Variants in ASIC2 observed in about 807,000 individuals in gnomAD.
ASIC2 encodes acid-sensing ion channel 2.
ASIC2 carries 25 observed loss-of-function variants against 57.3 expected under a neutral mutation model. The ratio of observed to expected loss-of-function variants is 0.44; its 90% CI spans 0.32 to 0.61. ASIC2 has a LOEUF of 0.61. ASIC2 is among the 20% of genes least tolerant of loss of function. The pLI, the probability that ASIC2 is intolerant of heterozygous loss-of-function variation, is 0.06. For missense variants in ASIC2, 641 were observed against 738.1 expected, an observed-to-expected ratio of 0.87 and a Z score of 1.52; for synonymous variants, 319 against 307.5, an observed-to-expected ratio of 1.04 and a Z score of -0.39.
Position 33,151,810 on chromosome 17 carries a change from A to G in ASIC2, c.709-39743T>C, listed in dbSNP as rs1904811624. On this transcript the variant is annotated intron_variant, in intron 1 of 9. Coordinates refer to ENST00000225823, the MANE Select transcript of ASIC2 (RefSeq NM_183377.2). ...CGACCTTGGACTTCCCAGCCGCGGA[A>G]CTGTAAGAAATAAATCTCTGTTCTT... Among the ~76,000 whole-genome samples the G allele has an allele frequency of 3.3e-5, 5 of 152,282 alleles. No individual in the cohort carries two copies. In the South Asian group the frequency reaches 1.0e-3, roughly 32 times the overall value.
intron 1 of ASIC2, among the ~76,000 whole-genome samples, chr17:33,801,697 T>C (rs968429001): frequency 1.3e-5 from 2 of 152,226 alleles, no homozygotes; most frequent in Non-Finnish European, 2.9e-5. Flanking sequence ...GTTGCTCTTC[T>C]GTTGTTATTA....
intron 3 of ASIC2, among the ~76,000 whole-genome samples, chr17:33,072,466 C>G (rs1056729857): frequency 1.3e-5 from 2 of 152,170 alleles, no homozygotes; most frequent in African/African-American, 4.8e-5. Context: ...ATAACAATAA[C>G]ACTAAATGCC....
intron 1 of ASIC2, chr17:34,155,847 G>T: frequency 9.8e-7 from 1 of 1,019,762 alleles, no homozygotes; most frequent in Non-Finnish European, 1.4e-6. Context: ...AACTACCCTC[G>T]TGGCCTTCAG....
At chr17:33,240,501 T>G (rs1908459971) in intron 1 of ASIC2, among the ~76,000 whole-genome samples, 1 of 152,200 alleles carries the variant, frequency 6.6e-6, no homozygotes, top group African/African-American at 2.4e-5. Flanking sequence ...GCTAGGCAAC[T>G]GGTCAGAAAG....
intron 1 of ASIC2, among the ~76,000 whole-genome samples, chr17:33,566,686 C>T (rs1218035688): frequency 6.6e-6 from 1 of 152,060 alleles, no homozygotes; most frequent in African/African-American, 2.4e-5. Flanking sequence ...CAGGTCCGGG[C>T]ACAGTAATCT....
At chr17:34,076,004 ATTTTTAT>A (rs1002826534) in intron 1 of ASIC2, among the ~76,000 whole-genome samples, 3 of 131,054 alleles carry the variant, frequency 2.3e-5, no homozygotes, top group South Asian at 2.6e-4. Context: ...ATTATTTTTT[ATTTTTAT>A]TTTTTTTTTG....
At chr17:33,738,806 A>T (rs1356814524) in intron 1 of ASIC2, among the ~76,000 whole-genome samples, 3 of 152,202 alleles carry the variant, frequency 2.0e-5, no homozygotes, top group African/African-American at 7.2e-5. Flanking sequence ...AACAAGGTGT[A>T]TCAAGTCTTT....
At chr17:33,894,519 G>A (rs1915045522) in intron 1 of ASIC2, among the ~76,000 whole-genome samples, 1 of 152,034 alleles carries the variant, frequency 6.6e-6, no homozygotes, top group African/African-American at 2.4e-5. Flanking sequence ...GAGTCATATC[G>A]TTGTCCCTGA....
intron 1 of ASIC2, among the ~76,000 whole-genome samples, chr17:34,023,700 C>G (rs1356441648): frequency 1.3e-5 from 2 of 152,158 alleles, no homozygotes; most frequent in African/African-American, 4.8e-5. Flanking sequence ...GAGAGTAGCC[C>G]TCCCCAGGCA....
intron 1 of ASIC2, among the ~76,000 whole-genome samples, chr17:34,108,866 A>C (rs1374705164): frequency 6.6e-6 from 1 of 152,064 alleles, no homozygotes; most frequent in East Asian, 1.9e-4. Context: ...CTTATATGTT[A>C]AAATATGCTA....
chr17:33,962,828 G>C (rs188935035), intron 1 of ASIC2, among the ~76,000 whole-genome samples: 1 of 152,288 alleles, frequency 6.6e-6, no homozygotes, highest in African/African-American at 2.4e-5. Context: ...AAAATGACTA[G>C]TGTCATGTCT....
chr17:33,312,770 A>T (rs1171769297), intron 1 of ASIC2, among the ~76,000 whole-genome samples: 2 of 152,168 alleles, frequency 1.3e-5, no homozygotes, highest in Non-Finnish European at 2.9e-5. Context: ...CCCTGTCTCT[A>T]CTAAAAAATA....
At chr17:34,154,210 C>A (rs1443648597) in intron 1 of ASIC2, among the ~76,000 whole-genome samples, 1 of 152,146 alleles carries the variant, frequency 6.6e-6, no homozygotes, top group Non-Finnish European at 1.5e-5. Context: ...TGAAGCCGAG[C>A]GTTGCCAGGC....
chr17:33,021,249 T>C lies in ASIC2; in HGVS notation c.1411A>G (p.Lys471Glu), dbSNP rs553258758. ...AAGGCAGCAACTTCATACGCCTTCT[T>C]CTGTTCAATTGTCTCATAATTGAGA... ...EALNYETIEQ[K>E]KAYEVAALLG... The change falls in exon 7 of 10, where the codon AAG becomes GAG. Residue 471 changes from lysine (K) to glutamate (E), a missense_variant. Physicochemically the swap from Lys to Glu is moderately conservative, Grantham distance 56 (BLOSUM62 1). Around this residue, in one of 3 missense-constraint regions of ASIC2, gnomAD observed 252 missense variants for 319.8 expected, o/e 0.79. Transcript: ENST00000225823. 3.5e-5 allele frequency: 56 copies of C among 1,613,256 alleles called. No individual in the cohort carries two copies. The East Asian group carries it at 6.9e-4, about 20-fold the overall frequency.
chr17:33,194,563 C>T (rs1281781043), intron 1 of ASIC2, among the ~76,000 whole-genome samples: 1 of 152,192 alleles, frequency 6.6e-6, no homozygotes, highest in Non-Finnish European at 1.5e-5. Flanking sequence ...AAGATCTATA[C>T]ATGAAATCTT....
chr17:33,119,561 T>C (rs2092293625), intron 1 of ASIC2, among the ~76,000 whole-genome samples: 1 of 152,182 alleles, frequency 6.6e-6, no homozygotes, highest in Non-Finnish European at 1.5e-5. Flanking sequence ...GCCAGAGGGA[T>C]TTATTAGCAA....
intron 1 of ASIC2, among the ~76,000 whole-genome samples, chr17:33,788,637 A>G (rs993311789): frequency 6.6e-6 from 1 of 152,198 alleles, no homozygotes; most frequent in African/African-American, 2.4e-5. Flanking sequence ...AATAGCAAAG[A>G]CTTGGAACCA....
At position 33,111,975 on chromosome 17, in the gene ASIC2, C is replaced by G; in HGVS notation, c.801G>C (p.Gly267=). 6.2e-7 allele frequency: 1 copy of G among 1,614,114 alleles called. No individual in the cohort carries two copies. Among genetic ancestry groups the G allele is most frequent in the Non-Finnish European group, 8.5e-7 (1 of 1,180,006 alleles). The change falls in exon 2 of 10, where the codon GGG becomes GGC. Residue 267 remains glycine, a synonymous_variant. Coordinates refer to ENST00000225823, the MANE Select transcript of ASIC2 (RefSeq NM_183377.2). The part of the protein sequence containing the change: ...LTTVKGGTGN[G]LEIMLDIQQD... ...GCTGAATGTCCAGCATGATCTCCAG[C>G]CCGTTGCCTGTCCCCCCCTTGACCG...
At chr17:33,153,817 G>A (rs542917885) in intron 1 of ASIC2, among the ~76,000 whole-genome samples, 5 of 152,172 alleles carry the variant, frequency 3.3e-5, no homozygotes, top group Non-Finnish European at 7.4e-5. Flanking sequence ...TCCAGAGACA[G>A]CCCACGTCCA....
Sources: allele counts gnomAD v4.1 joint callset (sites outside exome capture counted in the v4.1 genomes callset), GRCh38; gene constraint gnomAD v4.1.1; regional missense constraint gnomAD v4.1.1; transcripts MANE v1.5; gene names NCBI Gene and HGNC (gene_info 2026-07-23, HGNC 2026-07-21).